PPFIBP2: variants seen among roughly 807,000 people sequenced by gnomAD.
PPFIBP2 encodes the protein PPFIB scaffold protein 2.
Under a neutral mutation model 118.3 loss-of-function variants are expected in PPFIBP2, and 118 were observed. The observed-to-expected ratio is 1.00, with a 90% CI of 0.86 to 1.16. The LOEUF is 1.16. Among genes scored for constraint, PPFIBP2 ranks in the 50% most tolerant of loss-of-function variants. PPFIBP2 has a pLI of 0.00. For synonymous variants in PPFIBP2, 414 were observed against 397.4 expected, an observed-to-expected ratio of 1.04 and a Z score of -0.50; for missense variants, 1,195 against 1,073.1, an observed-to-expected ratio of 1.11 and a Z score of -1.59.
At chr11:7,646,996 C>T (rs569905646) in intron 17 of PPFIBP2, among the ~76,000 whole-genome samples, 6 of 152,012 alleles carry the variant, frequency 3.9e-5, no homozygotes, top group African/African-American at 9.6e-5. Context: ...TTCCAGGCCT[C>T]GTAAAATATT....
chr11:7,615,276 C>T (rs570334670), intron 6 of PPFIBP2, among the ~76,000 whole-genome samples: 6 of 148,278 alleles, frequency 4.0e-5, no homozygotes, highest in African/African-American at 1.5e-4. Flanking sequence ...GTGGAGGTTG[C>T]AGTGAGCCGA....
chr11:7,657,637 C>T (rs7129065), downstream of PPFIBP2, among the ~76,000 whole-genome samples: 72,753 of 151,978 alleles, frequency 0.48, 20,010 homozygotes, highest in African/African-American at 0.77. Context: ...CTCTTTAGTC[C>T]TTCCTCCCTC....
intron 3 of PPFIBP2, among the ~76,000 whole-genome samples, chr11:7,575,770 T>C (rs905508492): frequency 2.0e-5 from 3 of 152,228 alleles, no homozygotes; most frequent in Non-Finnish European, 4.4e-5. Flanking sequence ...CCTGTACCTT[T>C]AGAGATGTTC....
intron 2 of PPFIBP2, among the ~76,000 whole-genome samples, chr11:7,553,990 A>T (rs1227414469): frequency 6.6e-6 from 1 of 152,212 alleles, no homozygotes; most frequent in Non-Finnish European, 1.5e-5. Context: ...CTTCTAAGCA[A>T]GGGTTCCTTT....
chr11:7,635,905 A>C (rs1275468141), intron 14 of PPFIBP2, among the ~76,000 whole-genome samples: 2 of 152,212 alleles, frequency 1.3e-5, no homozygotes, highest in African/African-American at 4.8e-5. Context: ...ATCTCAGCAC[A>C]CTGAAGAACG....
rs201053233 is a variant in PPFIBP2, at chr11:7,648,509, T to C, written c.1769T>C (p.Leu590Ser). 6.2e-7 allele frequency: 1 copy of C among 1,614,122 alleles called. No individual in the cohort carries two copies. Among genetic ancestry groups the C allele is most frequent in the Non-Finnish European group, 8.5e-7 (1 of 1,180,028 alleles). ...TGGGTATCTTCTGGCCACACCTTAT[T>C]GACAGCCACCCCTCAGGACATGGAA... Reference protein sequence around the residue: ...RQWVSSGHTLLTATPQDMEKE... With the variant: ...RQWVSSGHTLSTATPQDMEKE... Residue 590 changes from leucine (L) to serine (S), a missense_variant, in exon 18 of 24, where the codon TTG becomes TCG. Transcript: ENST00000299492.
intron 17 of PPFIBP2, among the ~76,000 whole-genome samples, chr11:7,646,896 T>G (rs1419113784): frequency 6.6e-6 from 1 of 152,218 alleles, no homozygotes; most frequent in Non-Finnish European, 1.5e-5. Flanking sequence ...ACTTGCAATT[T>G]TTTGTGGCTT....
At chr11:7,597,466 G>C in intron 4 of PPFIBP2, 94 bp from the exon 5 acceptor site, 1 of 1,533,860 alleles carries the variant, frequency 6.5e-7, no homozygotes, top group Non-Finnish European at 8.8e-7. Flanking sequence ...GTAAGAGTCA[G>C]TGGTGAGATT....
the PPFIBP2 span, chr11:7,665,854 T>G: frequency 3.9e-6 from 6 of 1,536,018 alleles, no homozygotes; most frequent in South Asian, 7.1e-5. Context: ...TACAGCCAGC[T>G]GGAGTTGTCC....
downstream of PPFIBP2, chr11:7,656,738 C>A (rs1022011143): frequency 1.1e-5 from 14 of 1,289,670 alleles, no homozygotes; most frequent in African/African-American, 2.1e-4. Flanking sequence ...CAATGCTGAG[C>A]CAGGACCAGC....
downstream of PPFIBP2, chr11:7,657,104 C>T (rs1590845541): frequency 2.4e-5 from 6 of 252,528 alleles, no homozygotes; most frequent in East Asian, 5.7e-4. Flanking sequence ...GACTCGATGG[C>T]TCGTGATATT....
At chr11:7,664,290 G>A in the PPFIBP2 span, among the ~76,000 whole-genome samples, 1 of 152,160 alleles carries the variant, frequency 6.6e-6, no homozygotes, top group Non-Finnish European at 1.5e-5. Flanking sequence ...CGGAGAGGAA[G>A]GGCATTCCAG....
Position 7,651,850 on chromosome 11 carries a change from T to C in PPFIBP2, c.2436+6T>C. ...CCACCACAGCCAAAGTCCGGGTGAGTTGCAGAGCCTTTCTGGGTGGGCCCT... is the reference window on the plus strand; with the variant it reads ...CCACCACAGCCAAAGTCCGGGTGAGCTGCAGAGCCTTTCTGGGTGGGCCCT... On this transcript the variant is annotated splice_donor_region_variant and intron_variant, in intron 23 of 23. Transcript: ENST00000299492. 1 of 1,604,164 alleles carries C rather than the reference T, an allele frequency of 6.2e-7. No individual in the cohort carries two copies.
At position 7,527,029 on chromosome 11, in the gene PPFIBP2, G is replaced by A. The variant is rs140823392; in HGVS notation, c.-37+12908G>A. On this transcript the variant is annotated intron_variant, in intron 1 of 23. Transcript: ENST00000299492. ...CAGCTGGGTTCACAGCATCCTAGAG[G>A]GCATAGCAGGTATAGAAGGGAGTGA... Among the ~76,000 whole-genome samples the A allele has an allele frequency of 4.2e-3, 638 of 151,380 alleles. 4 individuals carry two copies. Among genetic ancestry groups the A allele is most frequent in the African/African-American group, 0.015 (616 of 41,346 alleles).
At position 7,547,253 on chromosome 11, in the gene PPFIBP2, A is replaced by T. The variant is rs761766786; in HGVS notation, c.-36-2187A>T. The stretch of plus-strand genomic sequence containing the variant: ...TAAATCAGCTGTGCAGACAACTAGG[A>T]AGTGAGCTCAGGGTAGGGGGATGGC... On this transcript the variant is annotated intron_variant, in intron 1 of 23. Coordinates refer to ENST00000299492, the MANE Select transcript of PPFIBP2 (RefSeq NM_003621.5). Among the ~76,000 whole-genome samples the T allele has an allele frequency of 2.4e-4, 36 of 152,222 alleles. 1 individual carries two copies. Among genetic ancestry groups the T allele is most frequent in the Non-Finnish European group, 4.6e-4 (31 of 67,996 alleles).
rs761765318 is a variant in PPFIBP2, at chr11:7,620,955, G to A, written c.639G>A (p.Arg213=). ...CCTAGGAGTTACTGCAAGAGCTCAG[G>A]CACCTCAAAATCAAAGTGGAAGAGT... is the stretch of plus-strand genomic sequence containing the variant. ...RKAEELLQEL[R]HLKIKVEELE... Residue 213 remains arginine (R), a synonymous_variant, in exon 7 of 24, where the codon AGG becomes AGA. Coordinates refer to ENST00000299492, the MANE Select transcript of PPFIBP2 (RefSeq NM_003621.5). 1.3e-5 allele frequency: 21 copies of A among 1,611,694 alleles called. No individual in the cohort carries two copies. In the Admixed American group the frequency reaches 1.5e-4, roughly 12 times the overall value.
chr11:7,629,594 G>C, intron 10 of PPFIBP2, 60 bp downstream of exon 10: 6 of 1,525,182 alleles, frequency 3.9e-6, no homozygotes, highest in Non-Finnish European at 4.5e-6. Context: ...CTGTGTTAAA[G>C]CCAGGGGCAG....
In PPFIBP2 at chr11:7,649,191, C is replaced by G. The variant is rs760620412; in HGVS notation, c.1954C>G (p.His652Asp). Residue 652 changes from histidine (H) to aspartate (D), a missense_variant, in exon 20 of 24, where the codon CAT (histidine) becomes GAT (aspartate). Transcript: ENST00000299492. The part of the protein sequence containing the change: ...IGLPQYKDQF[H>D]ESRVDRRMLQ... ...CTTACCCCAGTACAAAGACCAGTTTCATGAATCTAGAGTTGACAGACGAAT... is the reference window on the plus strand; with the variant it reads ...CTTACCCCAGTACAAAGACCAGTTTGATGAATCTAGAGTTGACAGACGAAT... The G allele has an allele frequency of 2.2e-5, 36 of 1,613,996 alleles. No homozygotes were observed. Among genetic ancestry groups the G allele is most frequent in the Non-Finnish European group, 1.7e-6 (2 of 1,179,998 alleles).
chr11:7,610,463 A>C (rs1847932157), intron 6 of PPFIBP2, 41 bp downstream of exon 6: 1 of 1,598,972 alleles, frequency 6.3e-7, no homozygotes, highest in African/African-American at 1.3e-5. Context: ...AGACCTGGGA[A>C]GGCTGTCATA....
Sources: allele counts gnomAD v4.1 joint callset (sites outside exome capture counted in the v4.1 genomes callset), GRCh38; gene constraint gnomAD v4.1.1; transcripts MANE v1.5; gene names NCBI Gene and HGNC (gene_info 2026-07-23, HGNC 2026-07-21).